The following MEF2C variants were observed in gnomAD, a reference collection of about 807,000 sequenced individuals.
MEF2C encodes the protein myocyte-specific enhancer factor 2C.
In MEF2C, 6 loss-of-function variants were observed where a neutral mutation model predicts 50.5. That is an observed-to-expected ratio of 0.12 (90% CI 0.07 to 0.23). The LOEUF is 0.23. Among genes scored for constraint, MEF2C ranks in the 10% least tolerant of loss-of-function variants. MEF2C has a pLI of 1.00. For missense variants in MEF2C, 276 were observed against 605.0 expected (o/e 0.46, Z 5.70); for synonymous variants, 183 against 228.0 (o/e 0.80, Z 1.78).
At position 88,721,223 on chromosome 5, in the gene MEF2C, T is replaced by C. The variant is rs1286029141; in HGVS notation, c.*1381A>G. 2.0e-5 allele frequency: 3 copies of C among 152,634 alleles called. No homozygotes were observed. The highest frequency in any genetic ancestry group is 2.0e-4 in the Admixed American group (3 of 15,288). The allele number at this position is 152,634 out of a possible 1,614,324, so 9.5% of individuals were successfully genotyped here. A position where few individuals can be genotyped will look rare whatever the true frequency, so the allele number is the denominator to read the frequency against. On this transcript the variant is annotated 3_prime_UTR_variant, in exon 11 of 11. Coordinates refer to ENST00000504921, the MANE Select transcript of MEF2C (RefSeq NM_002397.5). The stretch of plus-strand genomic sequence containing the variant: ...AAAACCAACCAGATGATTTAGAATA[T>C]GGGCAAGTTAGGATATGCACTTACT...
In MEF2C at chr5:88,721,433, C is replaced by T. The variant is rs1481043057; in HGVS notation, c.*1171G>A. 1 of 152,536 alleles carries T rather than the reference C, an allele frequency of 6.6e-6. No homozygotes were observed. Among genetic ancestry groups the T allele is most frequent in the East Asian group, 1.9e-4 (1 of 5,198 alleles). 9.4% of individuals were successfully genotyped at this position (152,536 alleles called of 1,614,324 possible). ...GTTGCAATGTGATATGTTCTAACCC[C>T]ACAGGTTATCCTTTTGACAGCTGAC... On this transcript the variant is annotated 3_prime_UTR_variant, in exon 11 of 11. Coordinates refer to ENST00000504921, the MANE Select transcript of MEF2C (RefSeq NM_002397.5).
Position 88,798,564 on chromosome 5 carries a change from T to C in MEF2C, c.258+6034A>G, listed in dbSNP as rs148081593. Among the ~76,000 whole-genome samples the C allele has an allele frequency of 1.0e-3, 153 of 152,246 alleles. 3 individuals carry two copies. In the East Asian group the frequency reaches 0.025, roughly 25 times the overall value. ...TTAACCTTTTTTCAAGTTTCTTAGC[T>C]TCCTTGCATTGAGTTAGAACATGCT... On this transcript the variant is annotated intron_variant, in intron 3 of 10. Coordinates refer to ENST00000504921, the MANE Select transcript of MEF2C (RefSeq NM_002397.5).
At chr5:88,895,497 A>T (rs1036600095) in intron 1 of MEF2C, among the ~76,000 whole-genome samples, 1 of 152,184 alleles carries the variant, frequency 6.6e-6, no homozygotes, top group African/African-American at 2.4e-5. Flanking sequence ...TTCATTATAT[A>T]ATCTTAAATT....
intron 1 of MEF2C, among the ~76,000 whole-genome samples, chr5:88,868,314 A>G (rs560180807): frequency 6.6e-6 from 1 of 152,332 alleles, no homozygotes; most frequent in African/African-American, 2.4e-5. Flanking sequence ...TCACAAGGCA[A>G]AACACAACTG....
intron 1 of MEF2C, among the ~76,000 whole-genome samples, chr5:88,876,063 GTTTTTTTT>G (rs33921751): frequency 8.2e-6 from 1 of 122,634 alleles, no homozygotes. Flanking sequence ...AGTAACTGGA[GTTTTTTTT>G]TTTTTTTTTT....
At chr5:88,764,911 T>A (rs681958) in intron 3 of MEF2C, among the ~76,000 whole-genome samples, 2,922 of 151,938 alleles carry the variant, frequency 0.019, 84 homozygotes, top group African/African-American at 0.067. Flanking sequence ...TTCTTAGATG[T>A]CAAATTTTAG....
intron 1 of MEF2C, among the ~76,000 whole-genome samples, chr5:88,868,962 G>C (rs1189288708): frequency 1.3e-5 from 2 of 151,794 alleles, no homozygotes; most frequent in South Asian, 4.2e-4. Flanking sequence ...TATAATATTT[G>C]ATATAAAACA....
intron 3 of MEF2C, among the ~76,000 whole-genome samples, chr5:88,776,191 T>C (rs1444976840): frequency 6.6e-6 from 1 of 152,096 alleles, no homozygotes; most frequent in Non-Finnish European, 1.5e-5. Flanking sequence ...CTTTTCCCCA[T>C]AATTAAAAAA....
At position 88,722,656 on chromosome 5, in the gene MEF2C, C is replaced by G; in HGVS notation, c.1370G>C (p.Arg457Thr). ...CATGCGCTTGACTGAGGGACTTTCCCTTTCGTCCGGCGAAGGTCTGGTGAG... is the reference window on the plus strand; with the variant it reads ...CATGCGCTTGACTGAGGGACTTTCCGTTTCGTCCGGCGAAGGTCTGGTGAG... ...IGLTRPSPDE[R>T]ESPSVKRMRL... Residue 457 changes from arginine to threonine, a missense_variant, in exon 11 of 11, where the codon AGG becomes ACG. Physicochemically the swap from Arg to Thr is moderately conservative, Grantham distance 71 (BLOSUM62 -1). Coordinates refer to ENST00000504921, the MANE Select transcript of MEF2C (RefSeq NM_002397.5). 1 of 1,613,846 alleles carries G rather than the reference C, an allele frequency of 6.2e-7. No homozygotes were observed. The highest frequency in any genetic ancestry group is 8.5e-7 in the Non-Finnish European group (1 of 1,179,870).
At chr5:88,771,395 C>T (rs1782359936) in intron 3 of MEF2C, 1 of 977,186 alleles carries the variant, frequency 1.0e-6, no homozygotes, top group South Asian at 4.7e-5. Flanking sequence ...CCTAGGACAC[C>T]CTATTACCTA....
chr5:88,762,931 G>C (rs1380619104), intron 3 of MEF2C, among the ~76,000 whole-genome samples: 1 of 152,146 alleles, frequency 6.6e-6, no homozygotes, highest in Non-Finnish European at 1.5e-5. Context: ...AAAACAACAT[G>C]AGTTAAAAAG....
chr5:88,850,661 T>C (rs1581563931), intron 1 of MEF2C, among the ~76,000 whole-genome samples: 2 of 152,092 alleles, frequency 1.3e-5, no homozygotes, highest in Admixed American at 1.3e-4. Flanking sequence ...CACACTCTGA[T>C]TTTGGTGATC....
intron 10 of MEF2C, among the ~76,000 whole-genome samples, chr5:88,725,871 A>G (rs1467732648): frequency 6.6e-6 from 1 of 152,180 alleles, no homozygotes; most frequent in Non-Finnish European, 1.5e-5. Context: ...ATGCTTCCAG[A>G]AAACAGGCTG....
chr5:88,839,695 C>T (rs1460361184), intron 1 of MEF2C: 1 of 152,108 alleles, frequency 6.6e-6, no homozygotes, highest in East Asian at 1.9e-4. Context: ...GTAACTAGTT[C>T]ACATACCAAA....
At chr5:88,748,266 T>G in intron 6 of MEF2C, 1 of 886,180 alleles carries the variant, frequency 1.1e-6, no homozygotes, top group Non-Finnish European at 1.4e-6. Flanking sequence ...TGATTTTTTT[T>G]GACATTTCAA....
intron 6 of MEF2C, chr5:88,742,276 T>G (rs1301145510): frequency 1.0e-6 from 1 of 985,240 alleles, no homozygotes; most frequent in African/African-American, 1.7e-5. Context: ...AAATAAAATC[T>G]TATCATGATG....
intron 6 of MEF2C, chr5:88,748,818 T>C (rs1771218005): frequency 1.0e-6 from 1 of 985,306 alleles, no homozygotes; most frequent in African/African-American, 1.7e-5. Context: ...GTTGATTGGA[T>C]CAGAGCCCTT....
Position 88,718,400 on chromosome 5 carries a change from C to T in MEF2C, c.*4204G>A, listed in dbSNP as rs1458261348. The T allele has an allele frequency of 1.3e-5, 2 of 152,128 alleles. No individual in the cohort carries two copies. Among genetic ancestry groups the T allele is most frequent in the African/African-American group, 2.4e-5 (1 of 41,422 alleles). The allele number at this position is 152,128 out of a possible 1,614,324, so 9.4% of individuals were successfully genotyped here. A position where few individuals can be genotyped will look rare whatever the true frequency, so the allele number is the denominator to read the frequency against. The stretch of plus-strand genomic sequence containing the variant: ...CAGATGTGGTTTAACTTAGTTATAA[C>T]ATCTTGTCATCTAGTGGCGACAAAG... On this transcript the variant is annotated 3_prime_UTR_variant, in exon 11 of 11. Coordinates refer to ENST00000504921, the MANE Select transcript of MEF2C (RefSeq NM_002397.5).
intron 1 of MEF2C, among the ~76,000 whole-genome samples, chr5:88,855,646 C>T (rs531638893): frequency 6.6e-6 from 1 of 152,216 alleles, no homozygotes; most frequent in Admixed American, 6.5e-5. Context: ...TACTGTTCTC[C>T]TGATAGTAAG....
Sources: gnomAD v4.1 joint callset for allele counts (sites outside exome capture counted in the v4.1 genomes callset) on GRCh38, gnomAD v4.1.1 for gene constraint, MANE v1.5 for transcripts, NCBI Gene and HGNC (gene_info 2026-07-23, HGNC 2026-07-21) for gene names.